The following CNTN5 variants were observed in gnomAD, a reference collection of about 807,000 sequenced individuals.
The protein encoded by CNTN5 is contactin-5.
In CNTN5, 77 loss-of-function variants were observed where a neutral mutation model predicts 129.1. That is an observed-to-expected ratio of 0.60 (90% CI 0.50 to 0.72). The LOEUF (loss-of-function observed/expected upper bound fraction) is 0.72, where lower values mean the gene tolerates loss of function less well. Among genes scored for constraint, CNTN5 ranks in the 30% least tolerant of loss-of-function variants. CNTN5 has a pLI of 0.00. For synonymous variants in CNTN5, 509 were observed against 465.6 expected, an observed-to-expected ratio of 1.09 and a Z score of -1.20; for missense variants, 1,478 against 1,328.8, an observed-to-expected ratio of 1.11 and a Z score of -1.75.
At chr11:99,600,525 C>G (rs879787387) in intron 3 of CNTN5, among the ~76,000 whole-genome samples, 1 of 152,100 alleles carries the variant, frequency 6.6e-6, no homozygotes, top group Non-Finnish European at 1.5e-5. Context: ...GCTAAGAATA[C>G]GGTCACCCTC....
At chr11:99,080,065 A>G (rs1265678895) in intron 1 of CNTN5, among the ~76,000 whole-genome samples, 18 of 152,222 alleles carry the variant, frequency 1.2e-4, no homozygotes, top group Admixed American at 9.8e-4. Flanking sequence ...TGCAAAGTGA[A>G]TAATTTTATT....
chr11:100,307,545 T>G (rs1202323827), intron 20 of CNTN5, among the ~76,000 whole-genome samples: 2 of 151,492 alleles, frequency 1.3e-5, no homozygotes, highest in Admixed American at 6.6e-5. Context: ...GAAAGGTCAC[T>G]GAATGTAGAA....
intron 2 of CNTN5, among the ~76,000 whole-genome samples, chr11:99,502,077 A>G (rs1469230485): frequency 6.6e-6 from 1 of 152,180 alleles, no homozygotes; most frequent in African/African-American, 2.4e-5. Flanking sequence ...CGGCCTCATA[A>G]CATTGTATTC....
Position 99,981,991 on chromosome 11 carries a change from G to C in CNTN5, c.878-20043G>C, listed in dbSNP as rs191784144. 3.9e-5 allele frequency among the ~76,000 whole-genome samples: 6 copies of C among 152,274 alleles called. No individual in the cohort carries two copies. The East Asian group carries it at 1.2e-3, about 29-fold the overall frequency. ...GAAAAGTGTAAATAGTAAATGCCTA[G>C]GAGTTTGTAGGATGGATCCATCGAT... On this transcript the variant is annotated intron_variant, in intron 8 of 24. Coordinates refer to ENST00000524871, the MANE Select transcript of CNTN5 (RefSeq NM_014361.4).
intron 2 of CNTN5, among the ~76,000 whole-genome samples, chr11:99,488,005 A>G (rs1306515255): frequency 1.3e-5 from 2 of 152,182 alleles, no homozygotes; most frequent in African/African-American, 4.8e-5. Context: ...ATTTAATCCT[A>G]CAATAATAAA....
chr11:100,173,392 T>C (rs1947877190), intron 13 of CNTN5, among the ~76,000 whole-genome samples: 1 of 152,140 alleles, frequency 6.6e-6, no homozygotes. Context: ...ATTTTATTTC[T>C]TGTTTGAGAG....
intron 8 of CNTN5, among the ~76,000 whole-genome samples, chr11:99,972,999 C>T (rs1173913875): frequency 6.6e-6 from 1 of 151,720 alleles, no homozygotes; most frequent in Non-Finnish European, 1.5e-5. Flanking sequence ...TAAAAAGATA[C>T]ATATTTCTTT....
rs537591413 is a variant in CNTN5, at chr11:100,354,708, T to G, written c.3200-1409T>G. Among the ~76,000 whole-genome samples the G allele has an allele frequency of 2.3e-4, 35 of 151,826 alleles. 2 individuals carry two copies. Among genetic ancestry groups the G allele is most frequent in the African/African-American group, 7.0e-4 (29 of 41,514 alleles). On this transcript the variant is annotated intron_variant, in intron 24 of 24. Transcript: ENST00000524871. ...TATGCTTACACAAACTTAGATGGTA[T>G]AGCTTACTATACACCTAAGGCATAT...
rs1428187172 is a variant in CNTN5 at position 99,372,084 on chromosome 11, T to C, written c.-71+46600T>C. 2.0e-5 allele frequency among the ~76,000 whole-genome samples: 3 copies of C among 152,342 alleles called. No homozygotes were observed. In the East Asian group the frequency reaches 5.8e-4, roughly 29 times the overall value. On this transcript the variant is annotated intron_variant, in intron 2 of 24. Coordinates refer to ENST00000524871, the MANE Select transcript of CNTN5 (RefSeq NM_014361.4). ...TCTATTTATTGTTATGGAAAATGGC[T>C]GAAACAAGCACAGCCTTCCATGCTT...
intron 23 of CNTN5, among the ~76,000 whole-genome samples, chr11:100,348,256 C>T (rs534660916): frequency 6.6e-6 from 1 of 152,178 alleles, no homozygotes; most frequent in African/African-American, 2.4e-5. Flanking sequence ...TCTCATGCAT[C>T]TTTTCTAAAT....
chr11:99,907,977 T>C (rs1372172769), intron 6 of CNTN5, among the ~76,000 whole-genome samples: 1 of 152,110 alleles, frequency 6.6e-6, no homozygotes, highest in Non-Finnish European at 1.5e-5. Context: ...TTATAGGTAA[T>C]ATAAAATTAC....
At chr11:99,911,778 C>T (rs1032141628) in intron 6 of CNTN5, among the ~76,000 whole-genome samples, 3 of 151,282 alleles carry the variant, frequency 2.0e-5, no homozygotes, top group African/African-American at 7.3e-5. Flanking sequence ...GAGTAGTTTG[C>T]CAAGTTTCTC....
At chr11:99,726,780 G>A (rs932199606) in intron 3 of CNTN5, among the ~76,000 whole-genome samples, 5 of 151,922 alleles carry the variant, frequency 3.3e-5, no homozygotes, top group African/African-American at 9.7e-5. Flanking sequence ...AGATTCTTCC[G>A]GCAGGTCATA....
Position 99,856,690 on chromosome 11 carries a change from A to G in CNTN5, c.577+11428A>G, listed in dbSNP as rs575265581. Among the ~76,000 whole-genome samples the G allele has an allele frequency of 2.5e-4, 38 of 152,252 alleles. 1 individual carries two copies. The highest frequency in any genetic ancestry group is 8.9e-4 in the African/African-American group (37 of 41,562). ...AAAAGCTAAAACAATGAAAAATATT[A>G]GCTCTTTGTCTAAATCTATTCATAT... On this transcript the variant is annotated intron_variant, in intron 6 of 24. Transcript: ENST00000524871.
intron 9 of CNTN5, among the ~76,000 whole-genome samples, chr11:100,041,174 C>T (rs1182730189): frequency 6.6e-6 from 1 of 152,166 alleles, no homozygotes; most frequent in East Asian, 1.9e-4. Flanking sequence ...CAGGAGTTAG[C>T]ATAGACTACT....
At chr11:100,038,520 C>G (rs1310043485) in intron 9 of CNTN5, among the ~76,000 whole-genome samples, 1 of 152,132 alleles carries the variant, frequency 6.6e-6, no homozygotes, top group Non-Finnish European at 1.5e-5. Flanking sequence ...TGCTGGGTAT[C>G]CTTGTTAACT....
Position 100,323,175 on chromosome 11 carries a change from G to A in CNTN5, c.2730+14707G>A, listed in dbSNP as rs148630463. ...AACTCTGTCTTCAATGTTTCTCTTGGTCTCTGCCTACATTACTAGGTTCTC... is the reference window on the plus strand; with the variant it reads ...AACTCTGTCTTCAATGTTTCTCTTGATCTCTGCCTACATTACTAGGTTCTC... On this transcript the variant is annotated intron_variant, in intron 21 of 24. Transcript: ENST00000524871. 2.5e-3 allele frequency among the ~76,000 whole-genome samples: 383 copies of A among 152,242 alleles called. 3 individuals are homozygous for A. The highest frequency in any genetic ancestry group is 8.6e-3 in the African/African-American group (357 of 41,532).
At chr11:100,083,403 A>T (rs1209911212) in intron 13 of CNTN5, among the ~76,000 whole-genome samples, 1 of 51,968 alleles carries the variant, frequency 1.9e-5, no homozygotes, top group South Asian at 9.5e-4. Context: ...GAACTCACTT[A>T]TCATCAGGGG....
intron 3 of CNTN5, among the ~76,000 whole-genome samples, chr11:99,803,361 A>G (rs529431857): frequency 1.3e-4 from 20 of 152,278 alleles, no homozygotes; most frequent in Admixed American, 1.3e-3. Flanking sequence ...TAGGCCTGTG[A>G]TGAGGGACAG....
Sources: gnomAD v4.1 joint callset for allele counts (sites outside exome capture counted in the v4.1 genomes callset) on GRCh38, gnomAD v4.1.1 for gene constraint, MANE v1.5 for transcripts, NCBI Gene and HGNC (gene_info 2026-07-23, HGNC 2026-07-21) for gene names.